The following WASF3 variants were observed in gnomAD, a reference collection of about 807,000 sequenced individuals.
WASF3 encodes WASP family member 3, also known as actin-binding protein WASF3.
WASF3 carries 11 observed loss-of-function variants against 46.6 expected under a neutral mutation model. That is an observed-to-expected ratio of 0.24 (90% CI 0.15 to 0.39). WASF3 has a LOEUF of 0.39. Ranked by LOEUF, WASF3 falls within the 10% of genes least tolerant of loss-of-function variation. The pLI is 1.00. For missense variants in WASF3, 576 were observed against 669.8 expected (o/e 0.86, Z 1.55); for synonymous variants, 242 against 259.7 (o/e 0.93, Z 0.65).
intron 1 of WASF3, among the ~76,000 whole-genome samples, chr13:26,590,886 A>G (rs1378304861): frequency 1.3e-5 from 2 of 152,226 alleles, no homozygotes; most frequent in African/African-American, 4.8e-5. Flanking sequence ...CATGTAGCAT[A>G]TTAGAAGATA....
At chr13:26,672,901 T>G (rs990314228) in intron 6 of WASF3, among the ~76,000 whole-genome samples, 1 of 152,170 alleles carries the variant, frequency 6.6e-6, no homozygotes, top group Non-Finnish European at 1.5e-5. Context: ...TGTGCTGTTG[T>G]AAGACACCAT....
chr13:26,609,147 G>A (rs1165170381), intron 1 of WASF3, among the ~76,000 whole-genome samples: 1 of 152,172 alleles, frequency 6.6e-6, no homozygotes, highest in African/African-American at 2.4e-5. Flanking sequence ...GATACAACCT[G>A]TTCTCAGGTT....
At chr13:26,567,915 G>T (rs1444171932) in intron 1 of WASF3, among the ~76,000 whole-genome samples, 1 of 152,098 alleles carries the variant, frequency 6.6e-6, no homozygotes, top group African/African-American at 2.4e-5. Flanking sequence ...GCCTATGTGA[G>T]ATGACATTTG....
In WASF3 at chr13:26,682,859, T is replaced by G. The variant is rs1291258048; in HGVS notation, c.1236T>G (p.Ser412=). ...CGCCAGGCCCTCCTGGTCCCGGGTC[T>G]TCTCTTTCGTCCTCCCCAATGCATG... ...PPPPGPPGPG[S]SLSSSPMHGP... The change falls in exon 9 of 10, where the codon TCT becomes TCG. Residue 412 remains serine (S), a synonymous_variant. Transcript: ENST00000335327. This position sits in a 1 kb window ranked among gnomAD's most constrained non-coding sequence, Gnocchi z 4.4. The G allele has an allele frequency of 6.2e-7, 1 of 1,611,388 alleles. No individual in the cohort carries two copies. Among genetic ancestry groups the G allele is most frequent in the Non-Finnish European group, 8.5e-7 (1 of 1,179,898 alleles).
rs563996626 is a variant in WASF3, at chr13:26,605,250, G to A, written c.-108-7711G>A. 1.9e-3 allele frequency among the ~76,000 whole-genome samples: 293 copies of A among 152,338 alleles called. 4 individuals are homozygous for A. Among genetic ancestry groups the A allele is most frequent in the Non-Finnish European group, 3.1e-3 (212 of 68,034 alleles). On this transcript the variant is annotated intron_variant, in intron 1 of 9. Coordinates refer to ENST00000335327, the MANE Select transcript of WASF3 (RefSeq NM_006646.6). ...TGAATAGCTTCTTTACTTGGTTCTA[G>A]TCAGCAGTCTTTGCTCAAGCTGGAA...
intron 1 of WASF3, among the ~76,000 whole-genome samples, chr13:26,606,358 G>C (rs377761025): frequency 7.3e-6 from 1 of 136,254 alleles, no homozygotes; most frequent in African/African-American, 2.6e-5. Flanking sequence ...GTGTGTGTGT[G>C]TGTGTGTCTG....
chr13:26,546,370 C>T, the WASF3 span, among the ~76,000 whole-genome samples: 1 of 152,172 alleles, frequency 6.6e-6, no homozygotes, highest in Non-Finnish European at 1.5e-5. Context: ...AATTATATTG[C>T]TTTTGCAATA....
At chr13:26,557,110 C>T, upstream of WASF3, among the ~76,000 whole-genome samples, 1 of 152,118 alleles carries the variant, frequency 6.6e-6, no homozygotes, top group Non-Finnish European at 1.5e-5. Flanking sequence ...TTCCTCACAT[C>T]TAGGGTGGAG....
At chr13:26,563,407 G>A (rs1879362053) in intron 1 of WASF3, among the ~76,000 whole-genome samples, 1 of 151,966 alleles carries the variant, frequency 6.6e-6, no homozygotes, top group Non-Finnish European at 1.5e-5. Context: ...GCTAACACCT[G>A]TAATCCCAGC....
chr13:26,546,975 T>C, the WASF3 span, among the ~76,000 whole-genome samples: 1 of 152,176 alleles, frequency 6.6e-6, no homozygotes. Context: ...TTACCATGTC[T>C]GAAGCCTCCT....
rs1476071721 is a variant in WASF3 at position 26,675,473 on chromosome 13, GACACACATACAC to G, written c.541-1068_541-1057del. On this transcript the variant is annotated intron_variant, in intron 6 of 9. Transcript: ENST00000335327. The stretch of plus-strand genomic sequence containing the variant: ...GGATGCCTCCCTGACTTCCAGACTA[GACACACATACAC>G]ACACACACACACACACACACACACA... Among the ~76,000 whole-genome samples the G allele has an allele frequency of 2.7e-4, 22 of 80,274 alleles. No individual in the cohort carries two copies. In the East Asian group the frequency reaches 3.1e-3, roughly 11 times the overall value. The allele number at this position is 80,274 out of a possible 152,430, so 52.7% of individuals were successfully genotyped here.
intron 1 of WASF3, among the ~76,000 whole-genome samples, chr13:26,575,665 TA>T (rs1452561478): frequency 6.6e-6 from 1 of 152,238 alleles, no homozygotes; most frequent in Non-Finnish European, 1.5e-5. Flanking sequence ...TTAGCCTCGT[TA>T]GTTGAAGGAC....
At chr13:26,557,471 G>T (rs1045997910), upstream of WASF3, among the ~76,000 whole-genome samples, 3 of 151,866 alleles carry the variant, frequency 2.0e-5, no homozygotes, top group East Asian at 5.9e-4. Flanking sequence ...CCCGAGCTGG[G>T]GGCGGAGGAC....
In WASF3 at chr13:26,679,064, C is replaced by CCCTCCCAGTCCTCTT. The variant is rs1883150306; in HGVS notation, c.717-1983_717-1969dup. ...GCCCTCCTCCTCCCATCGTCCCCGG[C>CCCTCCCAGTCCTCTT]CCTCCCAGTCCTCTTCCTCCCGTGT... On this transcript the variant is annotated intron_variant, in intron 7 of 9. Transcript: ENST00000335327. The surrounding 1 kb of genome is among the most constrained non-coding windows in gnomAD (Gnocchi z 4.8). Among the ~76,000 whole-genome samples, 1 of 150,606 alleles carries CCCTCCCAGTCCTCTT rather than the reference C, an allele frequency of 6.6e-6. No homozygotes were observed. Among genetic ancestry groups the CCCTCCCAGTCCTCTT allele is most frequent in the Non-Finnish European group, 1.5e-5 (1 of 67,670 alleles).
intron 5 of WASF3, among the ~76,000 whole-genome samples, chr13:26,670,350 G>C (rs1882894916): frequency 6.6e-6 from 1 of 151,892 alleles, no homozygotes; most frequent in African/African-American, 2.4e-5. Flanking sequence ...CTGTTGGGGG[G>C]TGAGGGACAA....
chr13:26,607,897 A>G (rs1197126148), intron 1 of WASF3, among the ~76,000 whole-genome samples: 4 of 152,152 alleles, frequency 2.6e-5, no homozygotes. Flanking sequence ...AGGCCTCTCA[A>G]AATGCTGGGA....
At chr13:26,643,206 C>G (rs1452937177) in intron 3 of WASF3, among the ~76,000 whole-genome samples, 1 of 152,142 alleles carries the variant, frequency 6.6e-6, no homozygotes, top group Non-Finnish European at 1.5e-5. Flanking sequence ...CTTCATCCTG[C>G]TCCTTTTCAG....
the WASF3 span, among the ~76,000 whole-genome samples, chr13:26,548,514 A>G: frequency 6.6e-6 from 1 of 152,114 alleles, no homozygotes; most frequent in Non-Finnish European, 1.5e-5. Flanking sequence ...CGCACTATTC[A>G]TGCATGACAG....
intron 2 of WASF3, among the ~76,000 whole-genome samples, chr13:26,614,039 A>G (rs1414421400): frequency 1.3e-5 from 2 of 152,180 alleles, no homozygotes; most frequent in Non-Finnish European, 2.9e-5. Flanking sequence ...GTAAAAATCA[A>G]ATGAGAGGAT....
Sources: gnomAD v4.1 joint callset for allele counts (sites outside exome capture counted in the v4.1 genomes callset) on GRCh38, gnomAD v4.1.1 for gene constraint, Gnocchi (gnomAD v3.1) non-coding constraint, MANE v1.5 for transcripts, NCBI Gene and HGNC (gene_info 2026-07-23, HGNC 2026-07-21) for gene names.